Variants in FSD1 observed in about 807,000 individuals in gnomAD.
FSD1 encodes fibronectin type III and SPRY domain-containing protein 1.
FSD1 carries 23 observed loss-of-function variants against 58.2 expected under a neutral mutation model. The ratio of observed to expected loss-of-function variants is 0.40; its 90% CI spans 0.28 to 0.56. The LOEUF is 0.56. FSD1 is among the 20% of genes least tolerant of loss of function. The pLI, the probability that FSD1 is intolerant of heterozygous loss-of-function variation, is 0.54. For missense variants in FSD1, 563 were observed against 670.8 expected (o/e 0.84, Z 1.78); for synonymous variants, 265 against 263.4 (o/e 1.01, Z -0.06).
At position 4,323,801 on chromosome 19, in the gene FSD1, C is replaced by T. The variant is rs1035742104; in HGVS notation, c.*158C>T. The T allele has an allele frequency of 8.1e-6, 5 of 621,060 alleles. No individual in the cohort carries two copies. The highest frequency in any genetic ancestry group is 1.4e-5 in the Non-Finnish European group (5 of 354,336). The allele number at this position is 621,060 out of a possible 1,614,324, so 38.5% of individuals were successfully genotyped here. On this transcript the variant is annotated 3_prime_UTR_variant, in exon 13 of 13. Coordinates refer to ENST00000221856, the MANE Select transcript of FSD1 (RefSeq NM_024333.3). The surrounding 1 kb of genome is among the most constrained non-coding windows in gnomAD (Gnocchi z 7.7). ...GAGTGGGCACCCTGGCGGGCCCTCT[C>T]CCCACCTCACCTCTTAATAAAGGTC... is the stretch of plus-strand genomic sequence containing the variant.
chr19:4,312,236 CCCA>C (rs1237354906), intron 7 of FSD1, among the ~76,000 whole-genome samples, 185 bp downstream of exon 7: 1 of 152,142 alleles, frequency 6.6e-6, no homozygotes, highest in African/African-American at 2.4e-5. Context: ...TGCCTGTAAT[CCCA>C]GCACTTTGGG....
chr19:4,314,542 A>G (rs1279696125), intron 7 of FSD1, among the ~76,000 whole-genome samples: 1 of 148,666 alleles, frequency 6.7e-6, no homozygotes, highest in Middle Eastern at 3.7e-3. Context: ...GCTGGAGTGC[A>G]GTGGCCTGAT....
rs573397828 is a variant in FSD1, at chr19:4,322,182, G to A, written c.1040-804G>A. Among the ~76,000 whole-genome samples, 139 of 151,336 alleles carry A rather than the reference G, an allele frequency of 9.2e-4. No individual in the cohort carries two copies. The Middle Eastern group carries it at 0.01, about 11-fold the overall frequency. On this transcript the variant is annotated intron_variant, in intron 10 of 12. Transcript: ENST00000221856. ...TAGCTGGGATCCCGAGGAGTATCTG[G>A]GAGGGATAACTTGGACCTCAAGGAG...
At chr19:4,310,677 G>A in intron 6 of FSD1, 81 bp downstream of exon 6, 3 of 1,501,344 alleles carry the variant, frequency 2.0e-6, no homozygotes, top group Admixed American at 3.7e-5. Flanking sequence ...AGGACCTGGA[G>A]TATGGTGGAC....
chr19:4,323,647 C>T lies in FSD1; in HGVS notation c.*4C>T, dbSNP rs776268851. On this transcript the variant is annotated 3_prime_UTR_variant, in exon 13 of 13. Transcript: ENST00000221856. The surrounding 1 kb of genome is among the most constrained non-coding windows in gnomAD (Gnocchi z 7.7). ...CTCCAACACCAGCCTCACCTAGGCC[C>T]CCAGGCACCCACCCAGCTGGGGTGT... 5 of 1,603,078 alleles carry T rather than the reference C, an allele frequency of 3.1e-6. No homozygotes were observed. The South Asian group carries it at 3.3e-5, about 11-fold the overall frequency.
At chr19:4,308,867 A>C (rs2144756831) in intron 4 of FSD1, among the ~76,000 whole-genome samples, 2 of 149,808 alleles carry the variant, frequency 1.3e-5, no homozygotes, top group Admixed American at 1.3e-4. Flanking sequence ...CAAAAAAAAG[A>C]GATTGAGACC....
intron 9 of FSD1, 22 bp downstream of exon 9, chr19:4,318,527 C>A: frequency 1.3e-6 from 2 of 1,559,304 alleles, no homozygotes; most frequent in East Asian, 4.6e-5. Context: ...CCTCCCCTCC[C>A]TAAGTCTCTG....
At chr19:4,314,954 C>T (rs1361371669) in intron 7 of FSD1, among the ~76,000 whole-genome samples, 1 of 152,164 alleles carries the variant, frequency 6.6e-6, no homozygotes, top group African/African-American at 2.4e-5. Flanking sequence ...TGACAGACTT[C>T]CTAGTGAGTG....
chr19:4,315,758 C>G (rs1009080007), intron 7 of FSD1, among the ~76,000 whole-genome samples: 1 of 151,672 alleles, frequency 6.6e-6, no homozygotes, highest in South Asian at 2.1e-4. Flanking sequence ...ATTACAGGCC[C>G]CCGCCACCAC....
chr19:4,311,821 T>G, intron 6 of FSD1, 21 bp from the exon 7 acceptor site: 1 of 1,612,264 alleles, frequency 6.2e-7, no homozygotes. Flanking sequence ...CCCGACCCCC[T>G]CTCCTTTCCG....
At chr19:4,308,689 TA>T (rs1026430390) in intron 4 of FSD1, among the ~76,000 whole-genome samples, 93 of 150,582 alleles carry the variant, frequency 6.2e-4, no homozygotes, top group East Asian at 1.2e-3. Context: ...CCGTCTCTAC[TA>T]AAAAAAAATA....
chr19:4,318,905 T>C lies in FSD1; in HGVS notation c.993T>C (p.Gly331=). 2 of 1,613,636 alleles carry C rather than the reference T, an allele frequency of 1.2e-6. No individual in the cohort carries two copies. Among genetic ancestry groups the C allele is most frequent in the South Asian group, 2.2e-5 (2 of 91,084 alleles). ...CATCTCCCAAGAGGATGCCCTCAGG[T>C]CGTGGGGGACGGGACCGCTTCACCG... ...GTPSPKRMPS[G]RGGRDRFTAE... Residue 331 remains glycine (G), a synonymous_variant, in exon 10 of 13, where the codon GGT becomes GGC. Transcript: ENST00000221856.
At chr19:4,308,241 C>G (rs1971645104) in intron 4 of FSD1, among the ~76,000 whole-genome samples, 1 of 151,986 alleles carries the variant, frequency 6.6e-6, no homozygotes, top group Admixed American at 6.6e-5. Context: ...AACCCCATCT[C>G]TACTAAAAAT....
Position 4,311,744 on chromosome 19 carries a change from A to C in FSD1, c.491-98A>C, listed in dbSNP as rs557252091. 8.5e-5 allele frequency: 94 copies of C among 1,111,088 alleles called. No homozygotes were observed. The African/African-American group carries it at 1.3e-3, about 15-fold the overall frequency. 68.8% of individuals were successfully genotyped at this position (1,111,088 alleles called of 1,614,324 possible). ...GAACCCCTTTGTGGCCATGCCCCCA[A>C]AATTGTCCAACATGTGGTTGGGCAG... On this transcript the variant is annotated intron_variant, in intron 6 of 12. Coordinates refer to ENST00000221856, the MANE Select transcript of FSD1 (RefSeq NM_024333.3).
Position 4,307,543 on chromosome 19 carries a change from A to G in FSD1, c.244-339A>G, listed in dbSNP as rs567246398. ...CCACCACACCCAGCTACTTTTTTCTATGTTTAGTGGAGACAGGGTTTCACT... is the reference window on the plus strand; with the variant it reads ...CCACCACACCCAGCTACTTTTTTCTGTGTTTAGTGGAGACAGGGTTTCACT... On this transcript the variant is annotated intron_variant, in intron 3 of 12. Transcript: ENST00000221856. Among the ~76,000 whole-genome samples the G allele has an allele frequency of 1.1e-4, 16 of 150,140 alleles. No homozygotes were observed. In the South Asian group the frequency reaches 2.3e-3, roughly 22 times the overall value.
intron 1 of FSD1, 48 bp from the exon 2 acceptor site, chr19:4,305,898 G>A (rs755678119): frequency 3.9e-5 from 52 of 1,347,680 alleles, no homozygotes; most frequent in Middle Eastern, 1.8e-4. Context: ...ACCTGTGTGC[G>A]CACATGTGTG....
intron 10 of FSD1, among the ~76,000 whole-genome samples, chr19:4,321,310 T>TG (rs796261256): frequency 0.2 from 5,868 of 28,786 alleles, 6 homozygotes; most frequent in Middle Eastern, 0.27. Context: ...GAGGAGTATC[T>TG]GTGGAAATAG....
rs940483157 is a variant in FSD1, at chr19:4,311,844, C to T, written c.493C>T (p.Pro165Ser). Residue 165 changes from proline (P) to serine (S), a missense_variant and splice_region_variant, in exon 7 of 13, where the codon CCC becomes TCC. Pro to Ser is a moderately conservative substitution (Grantham distance 74). Coordinates refer to ENST00000221856, the MANE Select transcript of FSD1 (RefSeq NM_024333.3). ...CCTCTCCTTTCCGTCTTGGTCAGTG[C>T]CCAGCGCACCCGTGATCGACCTGGC... The part of the protein sequence containing the change: ...MLQALKFLPV[P>S]SAPVIDLAES... 5 of 1,613,972 alleles carry T rather than the reference C, an allele frequency of 3.1e-6. No individual in the cohort carries two copies.
Position 4,318,908 on chromosome 19 carries a change from T to C in FSD1, c.996T>C (p.Arg332=). 2 of 1,613,538 alleles carry C rather than the reference T, an allele frequency of 1.2e-6. No homozygotes were observed. Among genetic ancestry groups the C allele is most frequent in the Non-Finnish European group, 8.5e-7 (1 of 1,179,962 alleles). Residue 332 remains arginine (R), a synonymous_variant, in exon 10 of 13, where the codon CGT becomes CGC. Transcript: ENST00000221856. ...TPSPKRMPSG[R]GGRDRFTAES... ...CTCCCAAGAGGATGCCCTCAGGTCG[T>C]GGGGGACGGGACCGCTTCACCGCTG...
Sources: gnomAD v4.1 joint callset for allele counts (sites outside exome capture counted in the v4.1 genomes callset) on GRCh38, gnomAD v4.1.1 for gene constraint, Gnocchi (gnomAD v3.1) non-coding constraint, MANE v1.5 for transcripts, NCBI Gene and HGNC (gene_info 2026-07-23, HGNC 2026-07-21) for gene names.